ZNF431: variants seen among roughly 807,000 people sequenced by gnomAD.
ZNF431 encodes the protein zinc finger protein 431.
A neutral mutation model predicts 57.0 loss-of-function variants in ZNF431; 34 were observed. The observed-to-expected ratio is 0.60, with a 90% CI of 0.45 to 0.79. The LOEUF is 0.79. Among genes scored for constraint, ZNF431 ranks in the 30% least tolerant of loss-of-function variants. The pLI is 0.00. For synonymous variants in ZNF431, 207 were observed against 220.3 expected (o/e 0.94, Z 0.54); for missense variants, 607 against 667.1 (o/e 0.91, Z 0.99).
Position 21,184,265 on chromosome 19 carries a change from A to G in ZNF431, c.*231A>G. The G allele has an allele frequency of 2.8e-6, 1 of 361,804 alleles. No individual in the cohort carries two copies. The highest frequency in any genetic ancestry group is 4.9e-6 in the Non-Finnish European group (1 of 202,484). The allele number at this position is 361,804 out of a possible 1,614,324, so 22.4% of individuals were successfully genotyped here. A position where few individuals can be genotyped will look rare whatever the true frequency, so the allele number is the denominator to read the frequency against. ...CTCGGGAGGCTTAGGCAGGATAATC[A>G]CTTGAACCTGGGAGGTGGAAGTTGC... On this transcript the variant is annotated 3_prime_UTR_variant, in exon 5 of 5. Coordinates refer to ENST00000311048, the MANE Select transcript of ZNF431 (RefSeq NM_133473.4).
chr19:21,155,741 TCAGAA>T (rs1970399577), intron 2 of ZNF431, among the ~76,000 whole-genome samples: 1 of 152,120 alleles, frequency 6.6e-6, no homozygotes, highest in African/African-American at 2.4e-5. Context: ...CTGGGTGGTG[TCAGAA>T]TTGAAATGTT....
chr19:21,146,845 A>G (rs889199869), intron 2 of ZNF431, among the ~76,000 whole-genome samples: 10 of 152,136 alleles, frequency 6.6e-5, no homozygotes, highest in African/African-American at 2.2e-4. Context: ...CCCTATTCAA[A>G]ATAGATGTGC....
intron 2 of ZNF431, among the ~76,000 whole-genome samples, chr19:21,155,652 G>A (rs978194902): frequency 5.9e-5 from 9 of 152,166 alleles, no homozygotes; most frequent in African/African-American, 2.2e-4. Context: ...GCATAGATGA[G>A]CCTATGGGGT....
chr19:21,175,400 G>C, intron 4 of ZNF431: 1 of 695,664 alleles, frequency 1.4e-6, no homozygotes, highest in South Asian at 1.5e-5. Context: ...ACTATTACCA[G>C]TTTTATTGTT....
At chr19:21,169,436 A>T (rs1000543765) in intron 4 of ZNF431, among the ~76,000 whole-genome samples, 2 of 152,138 alleles carry the variant, frequency 1.3e-5, no homozygotes, top group Admixed American at 6.5e-5. Context: ...GAAGGAGCAA[A>T]CAACTCCTTA....
chr19:21,179,067 G>A (rs1425942803), intron 4 of ZNF431, among the ~76,000 whole-genome samples: 3 of 152,056 alleles, frequency 2.0e-5, no homozygotes, highest in Admixed American at 6.6e-5. Context: ...TCTATGCAGC[G>A]ATTCAACTTC....
chr19:21,148,857 G>T (rs1458157521), intron 2 of ZNF431, among the ~76,000 whole-genome samples: 1 of 152,112 alleles, frequency 6.6e-6, no homozygotes, highest in Non-Finnish European at 1.5e-5. Context: ...ATAGTTAGGG[G>T]GTGTGGCTAA....
In ZNF431 at chr19:21,193,984, T is replaced by G. The variant is rs945736336; in HGVS notation, c.*9950T>G. The G allele has an allele frequency of 2.1e-5, 2 of 96,926 alleles. No individual in the cohort carries two copies. Among genetic ancestry groups the G allele is most frequent in the African/African-American group, 6.8e-5 (2 of 29,578 alleles). The allele number at this position is 96,926 out of a possible 1,614,324, so 6.0% of individuals were successfully genotyped here. A position where few individuals can be genotyped will look rare whatever the true frequency, so the allele number is the denominator to read the frequency against. On this transcript the variant is annotated 3_prime_UTR_variant, in exon 5 of 5. Transcript: ENST00000311048. The stretch of plus-strand genomic sequence containing the variant: ...AAAAAAATAAGACTATCTAAACAAT[T>G]CTATTTAACATAGTTCTGGAAGTGC...
rs571396938 is a variant in ZNF431, at chr19:21,168,815, A to G, written c.319+1149A>G. Among the ~76,000 whole-genome samples the G allele has an allele frequency of 4.6e-5, 7 of 151,952 alleles. No individual in the cohort carries two copies. In the South Asian group the frequency reaches 1.0e-3, roughly 22 times the overall value. On this transcript the variant is annotated intron_variant, in intron 4 of 4. Transcript: ENST00000311048. Reference sequence around the variant, plus strand: ...ATTAATAAGACTGTTTTCTTCCTCTATTGTATCAGATAGTTTTAAGTGTAT... The same window carrying G: ...ATTAATAAGACTGTTTTCTTCCTCTGTTGTATCAGATAGTTTTAAGTGTAT...
intron 2 of ZNF431, among the ~76,000 whole-genome samples, chr19:21,144,374 AT>A (rs1026866610): frequency 2.0e-5 from 3 of 149,554 alleles, no homozygotes; most frequent in East Asian, 2.0e-4. Context: ...AATTTTTTGT[AT>A]TTTTTTTTAG....
At chr19:21,153,046 G>A (rs1970318948) in intron 2 of ZNF431, among the ~76,000 whole-genome samples, 1 of 152,152 alleles carries the variant, frequency 6.6e-6, no homozygotes, top group Non-Finnish European at 1.5e-5. Flanking sequence ...TTGATTATAT[G>A]CTAAACAAGG....
At chr19:21,159,607 A>G (rs188244524) in intron 2 of ZNF431, among the ~76,000 whole-genome samples, 165 of 152,252 alleles carry the variant, frequency 1.1e-3, no homozygotes, top group African/African-American at 3.5e-3. Context: ...TCTTGACCTC[A>G]TGATCTGCCC....
Position 21,163,742 on chromosome 19 carries a change from A to G in ZNF431, c.97-2593A>G, listed in dbSNP as rs541494868. 1.7e-3 allele frequency among the ~76,000 whole-genome samples: 255 copies of G among 151,044 alleles called. 4 individuals are homozygous for G. The South Asian group carries it at 0.034, about 20-fold the overall frequency. On this transcript the variant is annotated intron_variant, in intron 2 of 4. Transcript: ENST00000311048. ...TCCCTGTTTGTCAGGCTGGTCTTGA[A>G]CTCCAGACCTCAGGTGATCCGCCCC...
chr19:21,156,186 G>A (rs1334506462), intron 2 of ZNF431, among the ~76,000 whole-genome samples: 1 of 152,134 alleles, frequency 6.6e-6, no homozygotes. Context: ...ACATGCAGAC[G>A]CTGAATCTGC....
chr19:21,154,117 C>A (rs1349419829), intron 2 of ZNF431, among the ~76,000 whole-genome samples: 1 of 152,140 alleles, frequency 6.6e-6, no homozygotes, highest in African/African-American at 2.4e-5. Flanking sequence ...TGGTGTGCTG[C>A]ACCCATTAAC....
At chr19:21,145,362 G>T (rs1448964723) in intron 2 of ZNF431, among the ~76,000 whole-genome samples, 1 of 152,128 alleles carries the variant, frequency 6.6e-6, no homozygotes, top group Admixed American at 6.5e-5. Context: ...TGTAGTCCCA[G>T]CTTACTCGGG....
chr19:21,142,207 A>C, intron 1 of ZNF431, 21 bp downstream of exon 1: 1 of 1,613,034 alleles, frequency 6.2e-7, no homozygotes, highest in Non-Finnish European at 8.5e-7. Flanking sequence ...CGGGTCGGAC[A>C]TCCCGAGAGA....
At chr19:21,150,324 A>C (rs1206149192) in intron 2 of ZNF431, 1 of 422,362 alleles carries the variant, frequency 2.4e-6, no homozygotes, top group East Asian at 5.7e-5. Context: ...CCAGTGCCAC[A>C]ATTCTTAGGC....
chr19:21,195,611 TATTGA>T lies in ZNF431; in HGVS notation c.*11581_*11585del, dbSNP rs765259306. ...CCTGGTATAAACAATCTTTTTTGCATATTGAATTCTGCATTTTTTTCTTCCTTGAT... is the reference window on the plus strand; with the variant it reads ...CCTGGTATAAACAATCTTTTTTGCATATTCTGCATTTTTTTCTTCCTTGAT... On this transcript the variant is annotated 3_prime_UTR_variant, in exon 5 of 5. Coordinates refer to ENST00000311048, the MANE Select transcript of ZNF431 (RefSeq NM_133473.4). 2 of 152,234 alleles carry T rather than the reference TATTGA, an allele frequency of 1.3e-5. No individual in the cohort carries two copies. The highest frequency in any genetic ancestry group is 2.9e-5 in the Non-Finnish European group (2 of 68,038). The allele number at this position is 152,234 out of a possible 1,614,324, so 9.4% of individuals were successfully genotyped here. A position where few individuals can be genotyped will look rare whatever the true frequency, so the allele number is the denominator to read the frequency against.
Sources: gnomAD v4.1 joint callset for allele counts (sites outside exome capture counted in the v4.1 genomes callset) on GRCh38, gnomAD v4.1.1 for gene constraint, MANE v1.5 for transcripts, NCBI Gene and HGNC (gene_info 2026-07-23, HGNC 2026-07-21) for gene names.